PAXIP1: variants seen among roughly 807,000 people sequenced by gnomAD.
PAXIP1 encodes the protein PAX interacting protein 1.
A neutral mutation model predicts 140.6 loss-of-function variants in PAXIP1; 19 were observed. The ratio of observed to expected loss-of-function variants is 0.14; its 90% CI spans 0.09 to 0.20. The LOEUF is 0.20. Among genes scored for constraint, PAXIP1 ranks in the 10% least tolerant of loss-of-function variants. The pLI is 1.00. For missense variants in PAXIP1, 920 were observed against 1,208.6 expected, an observed-to-expected ratio of 0.76 and a Z score of 3.54; for synonymous variants, 442 against 444.6, an observed-to-expected ratio of 0.99 and a Z score of 0.07.
At chr7:155,000,419 T>A (rs1810836668) in intron 1 of PAXIP1, 1 of 152,240 alleles carries the variant, frequency 6.6e-6, no homozygotes, top group South Asian at 2.1e-4. Context: ...CCCTTCTTCA[T>A]GAGTTTCCCT....
chr7:154,991,287 T>C (rs911931775), intron 3 of PAXIP1, among the ~76,000 whole-genome samples: 1 of 152,156 alleles, frequency 6.6e-6, no homozygotes, highest in African/African-American at 2.4e-5. Flanking sequence ...TGAAATCCAA[T>C]CTCTCCACTT....
Position 154,954,240 on chromosome 7 carries a change from G to A in PAXIP1, c.2821+15C>T. 6.9e-7 allele frequency: 1 copy of A among 1,442,818 alleles called. No individual in the cohort carries two copies. The highest frequency in any genetic ancestry group is 1.6e-5 in the South Asian group (1 of 64,360). 89.4% of individuals were successfully genotyped at this position (1,442,818 alleles called of 1,614,324 possible). A position where few individuals can be genotyped will look rare whatever the true frequency, so the allele number is the denominator to read the frequency against. The stretch of plus-strand genomic sequence containing the variant: ...ATTTGGCATTAAAAGCAAAGTTACT[G>A]GCGCTGCTCCTTACCAATGAACTTC... On this transcript the variant is annotated intron_variant, in intron 16 of 20. Transcript: ENST00000404141. This position sits in a 1 kb window ranked among gnomAD's most constrained non-coding sequence, Gnocchi z 5.1.
chr7:154,990,037 C>CTTTTTTTTTT (rs749788206), intron 4 of PAXIP1, among the ~76,000 whole-genome samples: 1 of 109,936 alleles, frequency 9.1e-6, no homozygotes, highest in Non-Finnish European at 1.8e-5. Flanking sequence ...ATAAGTTTCT[C>CTTTTTTTTTT]TTTTTTTTTT....
Position 155,002,832 on chromosome 7 carries a change from A to G in PAXIP1, c.81+17T>C. Reference sequence around the variant, plus strand: ...CGCGGACGGGGGAGGAGGCCGCGGCAGGGGCGGGCGCGGTACCTGCGGGTC... The same window carrying G: ...CGCGGACGGGGGAGGAGGCCGCGGCGGGGGCGGGCGCGGTACCTGCGGGTC... On this transcript the variant is annotated intron_variant, in intron 1 of 20. Transcript: ENST00000404141. 2.3e-6 allele frequency: 3 copies of G among 1,312,826 alleles called. No homozygotes were observed. The highest frequency in any genetic ancestry group is 1.6e-5 in the South Asian group (1 of 62,022). 81.3% of individuals were successfully genotyped at this position (1,312,826 alleles called of 1,614,324 possible). A position where few individuals can be genotyped will look rare whatever the true frequency, so the allele number is the denominator to read the frequency against.
chr7:154,979,345 C>T (rs1809737506), intron 5 of PAXIP1, among the ~76,000 whole-genome samples: 1 of 152,150 alleles, frequency 6.6e-6, no homozygotes, highest in South Asian at 2.1e-4. Context: ...GCCATTTGCA[C>T]AAGCTTTTGC....
rs771787173 is a variant in PAXIP1 at position 154,961,568 on chromosome 7, C to T, written c.2208G>A (p.Thr736=). The T allele has an allele frequency of 4.4e-6, 7 of 1,607,166 alleles. 1 individual carries two copies. The highest frequency in any genetic ancestry group is 2.2e-5 in the East Asian group (1 of 44,804). ...CTGTGTTGCTGCGGCATAGATAACC[C>T]GTATATTTGGCACCTGCCAAATAAG... ...LMAYLAGAKY[T]GYLCRSNTVL... is the part of the protein sequence containing the mutation. The change falls in exon 11 of 21, where the codon ACG becomes ACA. Residue 736 remains threonine, a synonymous_variant. Coordinates refer to ENST00000404141, the MANE Select transcript of PAXIP1 (RefSeq NM_007349.4).
intron 12 of PAXIP1, 128 bp from the exon 13 acceptor site, chr7:154,960,061 A>C: frequency 1.5e-6 from 1 of 662,520 alleles, no homozygotes; most frequent in Non-Finnish European, 2.7e-6. Context: ...AATAAGGATA[A>C]ATGTAAGTAC....
intron 8 of PAXIP1, among the ~76,000 whole-genome samples, chr7:154,966,653 G>A (rs1809036556): frequency 6.6e-6 from 1 of 152,182 alleles, no homozygotes; most frequent in East Asian, 1.9e-4. Flanking sequence ...CTCTGCTGCT[G>A]TCCTTCTCAG....
Position 154,946,620 on chromosome 7 carries a change from G to T in PAXIP1, c.3058-33C>A, listed in dbSNP as rs765031748. On this transcript the variant is annotated intron_variant, in intron 18 of 20. Transcript: ENST00000404141. This position sits in a 1 kb window ranked among gnomAD's most constrained non-coding sequence, Gnocchi z 4.9. ...AAAGAAAATGAGTTTCTCAGTGACCGAACGCTGAATGTGATACAGGGCAAT... is the reference window on the plus strand; with the variant it reads ...AAAGAAAATGAGTTTCTCAGTGACCTAACGCTGAATGTGATACAGGGCAAT... 2 of 1,612,806 alleles carry T rather than the reference G, an allele frequency of 1.2e-6. No homozygotes were observed. Among genetic ancestry groups the T allele is most frequent in the Non-Finnish European group, 1.7e-6 (2 of 1,179,132 alleles).
At chr7:154,995,615 C>A (rs896762047) in intron 2 of PAXIP1, among the ~76,000 whole-genome samples, 1 of 152,178 alleles carries the variant, frequency 6.6e-6, no homozygotes, top group Non-Finnish European at 1.5e-5. Flanking sequence ...TTTGGGAGGC[C>A]AAGGCGGGCG....
intron 4 of PAXIP1, among the ~76,000 whole-genome samples, chr7:154,985,538 G>C (rs1434576598): frequency 6.6e-6 from 1 of 152,100 alleles, no homozygotes; most frequent in African/African-American, 2.4e-5. Context: ...CATTACCACT[G>C]TACTCCCACA....
intron 9 of PAXIP1, chr7:154,962,690 A>G: frequency 2.7e-6 from 1 of 374,588 alleles, no homozygotes; most frequent in East Asian, 4.7e-5. Flanking sequence ...AAAAGCAACA[A>G]ATTCTACAAC....
intron 3 of PAXIP1, 21 bp downstream of exon 3, chr7:154,993,705 C>T (rs1810451752): frequency 1.3e-6 from 2 of 1,571,736 alleles, no homozygotes; most frequent in Non-Finnish European, 1.7e-6. Flanking sequence ...TCCCTCCTCC[C>T]CCACTCAAAA....
At chr7:154,987,291 A>G (rs1263981516) in intron 4 of PAXIP1, among the ~76,000 whole-genome samples, 1 of 152,180 alleles carries the variant, frequency 6.6e-6, no homozygotes, top group Non-Finnish European at 1.5e-5. Context: ...GGATACACAC[A>G]AACCTATGTA....
intron 8 of PAXIP1, chr7:154,964,044 C>T: frequency 2.7e-6 from 1 of 374,244 alleles, no homozygotes; most frequent in South Asian, 2.6e-5. Context: ...AATGTAACTG[C>T]CACTCTGGAC....
intron 20 of PAXIP1, 83 bp from the exon 21 acceptor site, chr7:154,944,247 T>C: frequency 8.2e-7 from 1 of 1,215,730 alleles, no homozygotes. Flanking sequence ...CATCATCCAG[T>C]TTCAGAGACA....
chr7:154,986,497 G>C lies in PAXIP1; in HGVS notation c.325-3165C>G, dbSNP rs1487760563. Reference sequence around the variant, plus strand: ...CATCTTAATTAATTTGTACCCCTCTGCATTGCTCCTGTCACAAAGGAAGTA... The same window carrying C: ...CATCTTAATTAATTTGTACCCCTCTCCATTGCTCCTGTCACAAAGGAAGTA... On this transcript the variant is annotated intron_variant, in intron 4 of 20. Coordinates refer to ENST00000404141, the MANE Select transcript of PAXIP1 (RefSeq NM_007349.4). The surrounding 1 kb of genome is among the most constrained non-coding windows in gnomAD (Gnocchi z 4.8). Among the ~76,000 whole-genome samples, 2 of 152,136 alleles carry C rather than the reference G, an allele frequency of 1.3e-5. No homozygotes were observed. Among genetic ancestry groups the C allele is most frequent in the Non-Finnish European group, 2.9e-5 (2 of 68,028 alleles).
Position 154,963,811 on chromosome 7 carries a change from T to C in PAXIP1, c.1894-45A>G. On this transcript the variant is annotated intron_variant, in intron 8 of 20. Coordinates refer to ENST00000404141, the MANE Select transcript of PAXIP1 (RefSeq NM_007349.4). The surrounding 1 kb of genome is among the most constrained non-coding windows in gnomAD (Gnocchi z 4.1). ...CAATGCAGTCATCAATCACTCAGAA[T>C]AGAGGAGAATTCCAATTTCAAATAA... is the stretch of plus-strand genomic sequence containing the variant. 7.7e-7 allele frequency: 1 copy of C among 1,303,496 alleles called. No homozygotes were observed. The highest frequency in any genetic ancestry group is 1.2e-5 in the South Asian group (1 of 82,006). The allele number at this position is 1,303,496 out of a possible 1,614,324, so 80.7% of individuals were successfully genotyped here. A position where few individuals can be genotyped will look rare whatever the true frequency, so the allele number is the denominator to read the frequency against.
chr7:154,957,227 G>A lies in PAXIP1; in HGVS notation c.2546C>T (p.Ala849Val). ...VANVQPSSKR[A>V]RIEDVPPPTK... is the part of the protein sequence containing the mutation. ...AATTTAAGGTTATTACTCATACCTG[G>A]CTCTTTTGGAAGAAGGCTGGACATT... is the stretch of plus-strand genomic sequence containing the variant. Residue 849 changes from alanine to valine, a missense_variant, in exon 14 of 21, where the codon GCC (alanine) becomes GTC (valine). By Grantham distance (64) the Ala-to-Val change is moderately conservative (BLOSUM62 0). Transcript: ENST00000404141. The A allele has an allele frequency of 6.3e-7, 1 of 1,593,620 alleles. No individual in the cohort carries two copies. Among genetic ancestry groups the A allele is most frequent in the Non-Finnish European group, 8.6e-7 (1 of 1,163,832 alleles).
Sources: gnomAD v4.1 joint callset for allele counts (sites outside exome capture counted in the v4.1 genomes callset) on GRCh38, gnomAD v4.1.1 for gene constraint, Gnocchi (gnomAD v3.1) non-coding constraint, MANE v1.5 for transcripts, NCBI Gene and HGNC (gene_info 2026-07-23, HGNC 2026-07-21) for gene names.